PHACTR1: variants seen among roughly 807,000 people sequenced by gnomAD.
PHACTR1 encodes the protein phosphatase and actin regulator 1, also known as RPEL repeat containing 1.
Under a neutral mutation model 69.2 loss-of-function variants are expected in PHACTR1, and 16 were observed. That is an observed-to-expected ratio of 0.23 (90% CI 0.16 to 0.35). The LOEUF is 0.35. PHACTR1 is among the 10% of genes least tolerant of loss of function. PHACTR1 has a pLI of 1.00. For missense variants in PHACTR1, 510 were observed against 734.7 expected, an observed-to-expected ratio of 0.69 and a Z score of 3.54; for synonymous variants, 312 against 284.5, an observed-to-expected ratio of 1.10 and a Z score of -0.97.
rs1349379677 is a variant in PHACTR1 at position 12,731,649 on chromosome 6, T to G, written c.103+12802T>G. Among the ~76,000 whole-genome samples, 3 of 152,344 alleles carry G rather than the reference T, an allele frequency of 2.0e-5. No individual in the cohort carries two copies. The East Asian group carries it at 5.8e-4, about 29-fold the overall frequency. On this transcript the variant is annotated intron_variant, in intron 3 of 14. Transcript: ENST00000332995. The stretch of plus-strand genomic sequence containing the variant: ...ATAAAAAGGAAATTTATTGGGCACA[T>G]GATATTGACCCCATTTTAGAGATGA...
intron 4 of PHACTR1, among the ~76,000 whole-genome samples, chr6:12,832,988 G>A (rs1384196284): frequency 1.3e-5 from 2 of 152,186 alleles, no homozygotes; most frequent in Non-Finnish European, 2.9e-5. Flanking sequence ...TTCCAAATTA[G>A]CAATGGTTCC....
At chr6:13,252,029 T>C (rs1774486924) in intron 10 of PHACTR1, among the ~76,000 whole-genome samples, 2 of 147,836 alleles carry the variant, frequency 1.4e-5, no homozygotes, top group Non-Finnish European at 3.0e-5. Context: ...TACTCCAGCC[T>C]GAACAACAGA....
At chr6:13,016,275 G>C (rs564294625) in intron 4 of PHACTR1, among the ~76,000 whole-genome samples, 8 of 152,344 alleles carry the variant, frequency 5.3e-5, no homozygotes, top group Non-Finnish European at 1.0e-4. Context: ...AGGCTCTATA[G>C]AGGAAGGTGC....
chr6:12,859,090 A>G (rs190835620), intron 4 of PHACTR1, among the ~76,000 whole-genome samples: 23 of 152,252 alleles, frequency 1.5e-4, no homozygotes, highest in Admixed American at 5.9e-4. Flanking sequence ...CCCTAAATAT[A>G]CAATTTCTCA....
At chr6:12,749,881 C>A in intron 4 of PHACTR1, 91 bp downstream of exon 4, 1 of 1,245,440 alleles carries the variant, frequency 8.0e-7, no homozygotes, top group South Asian at 1.6e-5. Flanking sequence ...GCGTCCTCCC[C>A]GCCGCCCCCC....
chr6:12,864,406 C>A (rs770703148), intron 4 of PHACTR1, among the ~76,000 whole-genome samples: 1 of 152,150 alleles, frequency 6.6e-6, no homozygotes, highest in Non-Finnish European at 1.5e-5. Flanking sequence ...TCAGGTCGGG[C>A]GCCCTGGCTC....
intron 8 of PHACTR1, among the ~76,000 whole-genome samples, chr6:13,214,879 G>A (rs544393802): frequency 6.6e-6 from 1 of 152,310 alleles, no homozygotes; most frequent in African/African-American, 2.4e-5. Flanking sequence ...CACCCAGTGA[G>A]TTTTAGTTTA....
At chr6:13,281,340 G>A in intron 12 of PHACTR1, 1 of 340,434 alleles carries the variant, frequency 2.9e-6, no homozygotes, top group Non-Finnish European at 5.8e-6. Flanking sequence ...GATCATTTGA[G>A]ATCAGGAGTT....
At chr6:13,218,765 G>A (rs944871796) in intron 8 of PHACTR1, among the ~76,000 whole-genome samples, 4 of 150,880 alleles carry the variant, frequency 2.7e-5, no homozygotes, top group Non-Finnish European at 4.4e-5. Context: ...GTTGCAATGA[G>A]CTATTTAAAA....
At chr6:13,284,378 G>T (rs550809840) in intron 13 of PHACTR1, among the ~76,000 whole-genome samples, 1 of 151,398 alleles carries the variant, frequency 6.6e-6, no homozygotes, top group Non-Finnish European at 1.5e-5. Flanking sequence ...TTAGCCGGGC[G>T]TGATGGCACA....
intron 4 of PHACTR1, among the ~76,000 whole-genome samples, chr6:12,760,145 G>T (rs983902371): frequency 1.3e-5 from 2 of 152,114 alleles, no homozygotes; most frequent in African/African-American, 2.4e-5. Context: ...ATTCCTCCAG[G>T]ATTCTACCAA....
At chr6:13,266,215 T>C (rs189062929) in intron 10 of PHACTR1, among the ~76,000 whole-genome samples, 61 of 152,258 alleles carry the variant, frequency 4.0e-4, no homozygotes, top group African/African-American at 1.3e-3. Context: ...CATTCACATA[T>C]GCTACCTGAC....
At chr6:13,214,172 G>A (rs1000729200) in intron 8 of PHACTR1, 4 of 150,958 alleles carry the variant, frequency 2.6e-5, no homozygotes, top group Non-Finnish European at 4.4e-5. Flanking sequence ...TGGGAAACTC[G>A]ACTGCATAAT....
intron 7 of PHACTR1, among the ~76,000 whole-genome samples, chr6:13,194,930 G>A (rs557908069): frequency 6.6e-6 from 1 of 152,272 alleles, no homozygotes; most frequent in Non-Finnish European, 1.5e-5. Flanking sequence ...GAGGCCAGAT[G>A]TCTGCTGTGG....
rs565572380 is a variant in PHACTR1, at chr6:12,888,951, A to C, written c.250+139161A>C. Among the ~76,000 whole-genome samples the C allele has an allele frequency of 9.2e-5, 14 of 152,306 alleles. No homozygotes were observed. The East Asian group carries it at 2.7e-3, about 29-fold the overall frequency. On this transcript the variant is annotated intron_variant, in intron 4 of 14. Transcript: ENST00000332995. The stretch of plus-strand genomic sequence containing the variant: ...CATACCCAATTATGTTTCATTGCCC[A>C]AAGCAGGTTACAAGATCAAGGTCAA...
intron 4 of PHACTR1, among the ~76,000 whole-genome samples, chr6:12,932,934 CT>C (rs35209150): frequency 0.32 from 39,236 of 123,930 alleles, 5,078 homozygotes; most frequent in South Asian, 0.52. Flanking sequence ...TATTCCAAAT[CT>C]TTTTTTTTTT....
At chr6:13,154,900 A>G (rs1439342543) in intron 5 of PHACTR1, among the ~76,000 whole-genome samples, 1 of 151,542 alleles carries the variant, frequency 6.6e-6, no homozygotes, top group Non-Finnish European at 1.5e-5. Context: ...GGAGGGTCAG[A>G]CCATACCCAG....
At chr6:13,153,059 G>T (rs975010320) in intron 5 of PHACTR1, among the ~76,000 whole-genome samples, 2 of 152,142 alleles carry the variant, frequency 1.3e-5, no homozygotes, top group Non-Finnish European at 2.9e-5. Context: ...AGGACTGTGG[G>T]CTCTGAATAG....
chr6:13,161,464 T>C (rs958307832), intron 6 of PHACTR1, among the ~76,000 whole-genome samples: 11 of 152,220 alleles, frequency 7.2e-5, no homozygotes, highest in African/African-American at 2.6e-4. Context: ...CAACAGTGAT[T>C]TTCTATGTCA....
Sources: gnomAD v4.1 joint callset for allele counts (sites outside exome capture counted in the v4.1 genomes callset) on GRCh38, gnomAD v4.1.1 for gene constraint, MANE v1.5 for transcripts, NCBI Gene and HGNC (gene_info 2026-07-23, HGNC 2026-07-21) for gene names.